The following DRC10 variants were observed in gnomAD, a reference collection of about 807,000 sequenced individuals.
DRC10 encodes the protein IQ domain-containing protein D.
At chr12:113,220,257 AATTT>A in the DRC10 span, among the ~76,000 whole-genome samples, 5 of 152,058 alleles carry the variant, frequency 3.3e-5, no homozygotes, top group African/African-American at 7.2e-5. Context: ...AAAATTACCT[AATTT>A]ATTTATTTAT....
the DRC10 span, among the ~76,000 whole-genome samples, chr12:113,196,470 G>A: frequency 1.3e-5 from 2 of 152,176 alleles, no homozygotes; most frequent in Admixed American, 6.5e-5. Flanking sequence ...TTCCACTGAT[G>A]TTTTCCCAGC....
At chr12:113,207,726 C>G in the DRC10 span, 21 of 1,614,058 alleles carry the variant, frequency 1.3e-5, no homozygotes, top group Non-Finnish European at 1.4e-5. Flanking sequence ...AGTCTTTGAT[C>G]TGCTGCATAA....
the DRC10 span, among the ~76,000 whole-genome samples, chr12:113,213,351 G>T: frequency 6.6e-6 from 1 of 152,226 alleles, no homozygotes; most frequent in Non-Finnish European, 1.5e-5. Flanking sequence ...CATCACCCAG[G>T]TAATAAGCAT....
the DRC10 span, among the ~76,000 whole-genome samples, chr12:113,211,744 GAGATC>G: frequency 7.9e-5 from 12 of 152,104 alleles, no homozygotes; most frequent in African/African-American, 2.9e-4. Context: ...TGAATCTCAT[GAGATC>G]CTTTGAGGCT....
the DRC10 span, among the ~76,000 whole-genome samples, chr12:113,203,365 A>G: frequency 6.6e-6 from 1 of 151,974 alleles, no homozygotes; most frequent in Non-Finnish European, 1.5e-5. Flanking sequence ...TGGTATGCCT[A>G]TAATCCTAGC....
the DRC10 span, chr12:113,200,232 C>T: frequency 2.4e-6 from 1 of 423,554 alleles, no homozygotes; most frequent in Non-Finnish European, 4.5e-6. Context: ...CATTCCTTTG[C>T]AGGGCACCCA....
At chr12:113,219,152 C>A in the DRC10 span, among the ~76,000 whole-genome samples, 2 of 152,212 alleles carry the variant, frequency 1.3e-5, no homozygotes, top group East Asian at 3.9e-4. Flanking sequence ...TCTCCTGCCT[C>A]AGCCTCCCAA....
the DRC10 span, among the ~76,000 whole-genome samples, chr12:113,198,642 TA>T: frequency 6.6e-6 from 1 of 151,830 alleles, no homozygotes; most frequent in Admixed American, 6.6e-5. Flanking sequence ...GAATGGGGAG[TA>T]ACTTCTTAAT....
chr12:113,199,876 G>A, the DRC10 span, among the ~76,000 whole-genome samples: 21 of 151,840 alleles, frequency 1.4e-4, no homozygotes, highest in Non-Finnish European at 4.4e-5. Flanking sequence ...ACATCACAGC[G>A]CCTGACTAAT....
At chr12:113,213,551 C>T in the DRC10 span, among the ~76,000 whole-genome samples, 3 of 152,190 alleles carry the variant, frequency 2.0e-5, no homozygotes, top group Non-Finnish European at 4.4e-5. Context: ...CTCTATTTCA[C>T]AGATGAAGAA....
chr12:113,195,505 C>T, the DRC10 span: 7 of 1,491,484 alleles, frequency 4.7e-6, no homozygotes, highest in Admixed American at 1.2e-4. Context: ...GAATTTAGTG[C>T]TCTCCATCTC....
At chr12:113,214,475 T>C in the DRC10 span, among the ~76,000 whole-genome samples, 1 of 127,044 alleles carries the variant, frequency 7.9e-6, no homozygotes, top group South Asian at 2.3e-4. Flanking sequence ...CACTGCACAC[T>C]CCAGCCTGGG....
chr12:113,195,568 G>A, the DRC10 span: 5 of 1,579,060 alleles, frequency 3.2e-6, no homozygotes, highest in African/African-American at 6.7e-5. Context: ...CGGGCTGGGT[G>A]GAGAGCTCAT....
At chr12:113,208,362 T>C in the DRC10 span, 1 of 1,398,760 alleles carries the variant, frequency 7.1e-7, no homozygotes, top group Non-Finnish European at 9.3e-7. Context: ...TCATCTTAGG[T>C]CCTCTGTCGC....
the DRC10 span, chr12:113,200,673 C>G: frequency 6.5e-7 from 1 of 1,536,210 alleles, no homozygotes; most frequent in Non-Finnish European, 8.7e-7. Flanking sequence ...TCTTGGCCAC[C>G]CTGGCCTGTG....
At chr12:113,207,433 A>G in the DRC10 span, 1 of 1,605,026 alleles carries the variant, frequency 6.2e-7, no homozygotes, top group African/African-American at 1.3e-5. Context: ...ACTATGAAAC[A>G]ATACCTCTGC....
chr12:113,206,409 C>T, the DRC10 span, among the ~76,000 whole-genome samples: 2 of 152,018 alleles, frequency 1.3e-5, no homozygotes, highest in African/African-American at 4.8e-5. Flanking sequence ...CTTTGTTTCC[C>T]TCTGCCTTTG....
the DRC10 span, chr12:113,207,937 T>C: frequency 1.2e-6 from 2 of 1,614,166 alleles, no homozygotes; most frequent in Non-Finnish European, 1.7e-6. Flanking sequence ...CTCCATATCC[T>C]CTCTGTTGGA....
At chr12:113,201,333 G>A in the DRC10 span, among the ~76,000 whole-genome samples, 5 of 152,196 alleles carry the variant, frequency 3.3e-5, no homozygotes, top group African/African-American at 1.2e-4. Context: ...ATCTGTCTGG[G>A]GTTGCCCAGC....
Sources: allele counts gnomAD v4.1 joint callset (sites outside exome capture counted in the v4.1 genomes callset), GRCh38; gene constraint gnomAD v4.1.1; transcripts MANE v1.5; gene names NCBI Gene and HGNC (gene_info 2026-07-23, HGNC 2026-07-21).